The following PCCB variants were observed in gnomAD, a reference collection of about 807,000 sequenced individuals.
PCCB encodes the protein propionyl-CoA carboxylase subunit beta, also known as propionyl-CoA carboxylase beta chain, mitochondrial.
PCCB carries 43 observed loss-of-function variants against 60.7 expected under a neutral mutation model. The ratio of observed to expected loss-of-function variants is 0.71; its 90% CI spans 0.55 to 0.91. The LOEUF (loss-of-function observed/expected upper bound fraction) is 0.91, where lower values mean the gene tolerates loss of function less well. Ranked by LOEUF, PCCB falls within the 40% of genes least tolerant of loss-of-function variation. The probability of loss-of-function intolerance (pLI) is 0.00; values close to 1 mark genes in which losing one functional copy is unlikely to be tolerated. For missense variants in PCCB, 766 were observed against 702.8 expected (o/e 1.09, Z -1.02); for synonymous variants, 276 against 255.9 (o/e 1.08, Z -0.75).
intron 5 of PCCB, among the ~76,000 whole-genome samples, chr3:136,268,116 A>ATATATATG: frequency 8.4e-6 from 1 of 119,194 alleles, no homozygotes; most frequent in East Asian, 2.1e-4. Flanking sequence ...ATATATATAT[A>ATATATATG]TATATGTATA....
intron 5 of PCCB, among the ~76,000 whole-genome samples, chr3:136,280,884 C>T (rs962663744): frequency 6.6e-6 from 1 of 152,130 alleles, no homozygotes; most frequent in Admixed American, 6.5e-5. Context: ...AAACTCTTGG[C>T]CTCAAGTGGT....
rs538451103 is a variant in PCCB at position 136,287,252 on chromosome 3, G to T, written c.654+3305G>T. ...GCCTCCCTAAACAATGTGGATTAGC[G>T]TTTCCTGTTTTGACCTTTACGTTAA... is the stretch of plus-strand genomic sequence containing the variant. On this transcript the variant is annotated intron_variant, in intron 6 of 14. Transcript: ENST00000251654. Among the ~76,000 whole-genome samples the T allele has an allele frequency of 2.0e-5, 3 of 152,152 alleles. No homozygotes were observed. In the East Asian group the frequency reaches 5.8e-4, roughly 29 times the overall value.
intron 9 of PCCB, 133 bp from the exon 10 acceptor site, chr3:136,316,808 A>C: frequency 9.8e-7 from 1 of 1,019,554 alleles, no homozygotes. Context: ...GCTTCCTTGG[A>C]GAACCTGTGA....
At chr3:136,273,209 G>T (rs187336029) in intron 5 of PCCB, among the ~76,000 whole-genome samples, 1 of 151,148 alleles carries the variant, frequency 6.6e-6, no homozygotes, top group Non-Finnish European at 1.5e-5. Flanking sequence ...TCTTAAATTT[G>T]TTGAGACTTG....
At chr3:136,289,149 T>C (rs1933561857) in intron 6 of PCCB, among the ~76,000 whole-genome samples, 1 of 152,186 alleles carries the variant, frequency 6.6e-6, no homozygotes, top group African/African-American at 2.4e-5. Context: ...TGAGACACTG[T>C]GCCCAGCTGA....
chr3:136,275,020 T>C (rs1191018402), intron 5 of PCCB, among the ~76,000 whole-genome samples: 1 of 152,076 alleles, frequency 6.6e-6, no homozygotes, highest in East Asian at 1.9e-4. Flanking sequence ...GCTATGTTGC[T>C]CAGGCTGGTC....
intron 9 of PCCB, among the ~76,000 whole-genome samples, chr3:136,314,569 C>T (rs529148867): frequency 2.0e-5 from 3 of 152,160 alleles, no homozygotes; most frequent in East Asian, 3.9e-4. Context: ...GTGGGAAGAT[C>T]GCTTGAGCCT....
chr3:136,300,165 CAT>C (rs897489994), intron 8 of PCCB, among the ~76,000 whole-genome samples: 3 of 119,384 alleles, frequency 2.5e-5, no homozygotes, highest in East Asian at 2.0e-4. Flanking sequence ...CATATATACA[CAT>C]ATGTATATGT....
At chr3:136,327,592 G>T (rs1935370478) in intron 12 of PCCB, 42 bp from the exon 13 acceptor site, 1 of 1,434,264 alleles carries the variant, frequency 7.0e-7, no homozygotes, top group African/African-American at 1.4e-5. Context: ...ACATGATCTG[G>T]CTGTCTCAGG....
chr3:136,282,190 T>C (rs2108179259), intron 5 of PCCB, among the ~76,000 whole-genome samples: 1 of 152,378 alleles, frequency 6.6e-6, no homozygotes, highest in East Asian at 1.9e-4. Context: ...CCATGGGTTG[T>C]TGGCTGGGGG....
At chr3:136,256,709 G>A in intron 3 of PCCB, 86 bp downstream of exon 3, 1 of 942,658 alleles carries the variant, frequency 1.1e-6, no homozygotes, top group African/African-American at 1.6e-5. Context: ...CTTGGGGAAT[G>A]AAAACTTGCT....
intron 8 of PCCB, among the ~76,000 whole-genome samples, chr3:136,299,585 G>A (rs1208812817): frequency 1.2e-5 from 1 of 80,866 alleles, no homozygotes; most frequent in African/African-American, 6.5e-5. Flanking sequence ...TGTATGTATA[G>A]GTATGCATGT....
intron 5 of PCCB, among the ~76,000 whole-genome samples, chr3:136,275,965 T>G (rs1275052694): frequency 6.6e-6 from 1 of 152,094 alleles, no homozygotes; most frequent in African/African-American, 2.4e-5. Flanking sequence ...GAGACGGGGT[T>G]TCAGGATGTT....
chr3:136,298,200 T>G (rs1576338108), intron 8 of PCCB, 128 bp downstream of exon 8: 1 of 1,116,554 alleles, frequency 9.0e-7, no homozygotes, highest in South Asian at 1.2e-5. Flanking sequence ...GGCTCCCAGG[T>G]GTGGGGATGA....
intron 3 of PCCB, among the ~76,000 whole-genome samples, chr3:136,258,343 A>G (rs1941731667): frequency 6.6e-6 from 1 of 152,192 alleles, no homozygotes; most frequent in African/African-American, 2.4e-5. Flanking sequence ...AACGGATGTA[A>G]CTACAGAGCA....
intron 1 of PCCB, among the ~76,000 whole-genome samples, chr3:136,251,835 A>G (rs1941526037): frequency 6.6e-6 from 1 of 152,114 alleles, no homozygotes; most frequent in African/African-American, 2.4e-5. Flanking sequence ...TGCCAAAGTT[A>G]ACTTAGGAGG....
intron 10 of PCCB, among the ~76,000 whole-genome samples, chr3:136,325,050 C>T (rs1304255443): frequency 2.6e-5 from 4 of 152,058 alleles, no homozygotes; most frequent in Admixed American, 1.3e-4. Flanking sequence ...GCACCACGCT[C>T]GGCTAATTTT....
At chr3:136,260,669 C>G in intron 4 of PCCB, 134 bp downstream of exon 4, 1 of 748,320 alleles carries the variant, frequency 1.3e-6, no homozygotes, top group East Asian at 2.7e-5. Flanking sequence ...GCTACCAACC[C>G]GAAGGGGTGC....
At chr3:136,261,878 C>T in intron 4 of PCCB, 74 bp from the exon 5 acceptor site, 5 of 1,010,656 alleles carry the variant, frequency 4.9e-6, no homozygotes, top group East Asian at 2.6e-5. Flanking sequence ...CCAGAAAACA[C>T]TGTGGTATTT....
Sources: allele counts gnomAD v4.1 joint callset (sites outside exome capture counted in the v4.1 genomes callset), GRCh38; gene constraint gnomAD v4.1.1; transcripts MANE v1.5; gene names NCBI Gene and HGNC (gene_info 2026-07-23, HGNC 2026-07-21).